The following GALNT13 variants were observed in gnomAD, a reference collection of about 807,000 sequenced individuals.
The protein encoded by GALNT13 is UDP-GalNAc:polypeptide N-acetylgalactosaminyltransferase 13.
Under a neutral mutation model 64.2 loss-of-function variants are expected in GALNT13, and 28 were observed. The ratio of observed to expected loss-of-function variants is 0.44; its 90% confidence interval spans 0.32 to 0.60. The LOEUF (loss-of-function observed/expected upper bound fraction) is 0.60, where lower values mean the gene tolerates loss of function less well. GALNT13 is among the 20% of genes least tolerant of loss of function. The pLI is 0.05. For missense variants in GALNT13, 577 were observed against 669.8 expected (o/e 0.86, Z 1.53); for synonymous variants, 214 against 224.6 (o/e 0.95, Z 0.42).
intron 8 of GALNT13, among the ~76,000 whole-genome samples, chr2:154,262,321 A>G (rs768964977): frequency 2.6e-5 from 4 of 152,148 alleles, no homozygotes; most frequent in Non-Finnish European, 5.9e-5. Flanking sequence ...CTAACAGTTG[A>G]TGGTATTATT....
At chr2:153,108,204 C>T in the GALNT13 span, among the ~76,000 whole-genome samples, 10 of 152,038 alleles carry the variant, frequency 6.6e-5, no homozygotes, top group Admixed American at 6.6e-4. Context: ...ATAGGTGGTT[C>T]ATAGTAGTGT....
At chr2:154,019,451 G>A (rs1697262201) in intron 3 of GALNT13, among the ~76,000 whole-genome samples, 3 of 151,956 alleles carry the variant, frequency 2.0e-5, no homozygotes, top group African/African-American at 7.3e-5. Context: ...TGGCCAACAT[G>A]GTGAAACCCC....
At chr2:153,679,498 C>T in the GALNT13 span, among the ~76,000 whole-genome samples, 7 of 151,854 alleles carry the variant, frequency 4.6e-5, no homozygotes, top group Admixed American at 3.3e-4. Context: ...AAAAAATGTA[C>T]ATGCATTATG....
rs16836208 is a variant in GALNT13, at chr2:154,208,843, T to G, written c.312-33187T>G. Among the ~76,000 whole-genome samples the G allele has an allele frequency of 7.7e-3, 1,169 of 152,270 alleles. 21 individuals carry two copies. The highest frequency in any genetic ancestry group is 0.026 in the African/African-American group (1,067 of 41,554). On this transcript the variant is annotated intron_variant, in intron 4 of 12. Coordinates refer to ENST00000392825, the MANE Select transcript of GALNT13 (RefSeq NM_052917.4). ...TTAATCCTGTAGAATATTTTTATAATGAGATCCATGTCTGTATTACCTTCA... is the reference window on the plus strand; with the variant it reads ...TTAATCCTGTAGAATATTTTTATAAGGAGATCCATGTCTGTATTACCTTCA...
chr2:153,590,199 T>C, the GALNT13 span, among the ~76,000 whole-genome samples: 2 of 152,110 alleles, frequency 1.3e-5, no homozygotes, highest in Non-Finnish European at 2.9e-5. Flanking sequence ...TCAGAGACTA[T>C]TATGAACATA....
chr2:153,108,052 A>G, the GALNT13 span, among the ~76,000 whole-genome samples: 3 of 151,980 alleles, frequency 2.0e-5, no homozygotes, highest in Non-Finnish European at 2.9e-5. Flanking sequence ...TAATTTTTGT[A>G]TTTTTAGTAG....
chr2:154,169,308 A>C (rs935824274), intron 4 of GALNT13, among the ~76,000 whole-genome samples: 17 of 152,192 alleles, frequency 1.1e-4, no homozygotes, highest in African/African-American at 4.1e-4. Flanking sequence ...GATACATAAA[A>C]TTAGCCATCA....
intron 1 of GALNT13, among the ~76,000 whole-genome samples, chr2:153,897,557 C>T (rs1168372210): frequency 6.6e-6 from 1 of 152,078 alleles, no homozygotes; most frequent in Non-Finnish European, 1.5e-5. Flanking sequence ...CTATTTTCCC[C>T]ATTGTAATTA....
chr2:153,377,042 A>G, the GALNT13 span, among the ~76,000 whole-genome samples: 2 of 152,304 alleles, frequency 1.3e-5, no homozygotes, highest in East Asian at 1.9e-4. Flanking sequence ...AAGTCTTTAA[A>G]GAGTGATTAA....
chr2:154,276,871 C>T (rs558827062), intron 8 of GALNT13, among the ~76,000 whole-genome samples: 14 of 152,294 alleles, frequency 9.2e-5, no homozygotes, highest in African/African-American at 3.4e-4. Flanking sequence ...CTGGGTGCTT[C>T]TTGCTGCTAC....
rs1701912338 is a variant in GALNT13 at position 154,452,574 on chromosome 2, A to C, written c.*2023A>C. On this transcript the variant is annotated 3_prime_UTR_variant, in exon 13 of 13. Coordinates refer to ENST00000392825, the MANE Select transcript of GALNT13 (RefSeq NM_052917.4). Reference sequence around the variant, plus strand: ...AATGGTCAATGGCAAATTTTTATAAATACAGCTACCCCATCAAAGCTGAAC... The same window carrying C: ...AATGGTCAATGGCAAATTTTTATAACTACAGCTACCCCATCAAAGCTGAAC... 6.6e-6 allele frequency: 1 copy of C among 152,176 alleles called. No individual in the cohort carries two copies. The highest frequency in any genetic ancestry group is 2.1e-4 in the South Asian group (1 of 4,832). The allele number at this position is 152,176 out of a possible 1,614,324, so 9.4% of individuals were successfully genotyped here. A position where few individuals can be genotyped will look rare whatever the true frequency, so the allele number is the denominator to read the frequency against.
At chr2:153,463,616 A>G in the GALNT13 span, among the ~76,000 whole-genome samples, 40,452 of 151,998 alleles carry the variant, frequency 0.27, 7,058 homozygotes, top group Non-Finnish European at 0.39. Context: ...GCTCAAAAGC[A>G]TGCTAGGATC....
the GALNT13 span, among the ~76,000 whole-genome samples, chr2:153,381,807 C>T: frequency 5.9e-5 from 9 of 152,078 alleles, no homozygotes; most frequent in African/African-American, 1.4e-4. Flanking sequence ...TTTGTAGGCA[C>T]CCACTTGAAG....
At chr2:153,415,790 T>C in the GALNT13 span, among the ~76,000 whole-genome samples, 1 of 152,210 alleles carries the variant, frequency 6.6e-6, no homozygotes, top group African/African-American at 2.4e-5. Flanking sequence ...GCTGTGAGAA[T>C]AGGGAAAACT....
chr2:153,677,591 T>C, the GALNT13 span, among the ~76,000 whole-genome samples: 12 of 152,082 alleles, frequency 7.9e-5, no homozygotes, highest in African/African-American at 2.9e-4. Context: ...AAAAAAAGCC[T>C]GAATATCCAA....
intron 4 of GALNT13, among the ~76,000 whole-genome samples, chr2:154,155,568 G>A (rs1684364474): frequency 6.6e-6 from 1 of 151,948 alleles, no homozygotes; most frequent in Non-Finnish European, 1.5e-5. Context: ...TTTGCTGAGG[G>A]AAAATGTGAT....
In GALNT13 at chr2:154,284,284, C is replaced by T. The variant is rs1309352989; in HGVS notation, c.976-17125C>T. 3.3e-5 allele frequency among the ~76,000 whole-genome samples: 5 copies of T among 152,216 alleles called. No individual in the cohort carries two copies. The East Asian group carries it at 5.8e-4, about 18-fold the overall frequency. On this transcript the variant is annotated intron_variant, in intron 8 of 12. Transcript: ENST00000392825. The stretch of plus-strand genomic sequence containing the variant: ...CATCTTCTCTTTCCCCATCTCTCCC[C>T]GATTCCCTGTAATCTACTTTCTCTT...
chr2:154,232,650 T>C (rs1216126264), intron 4 of GALNT13, among the ~76,000 whole-genome samples: 1 of 152,104 alleles, frequency 6.6e-6, no homozygotes, highest in Non-Finnish European at 1.5e-5. Flanking sequence ...GAAATCAGAT[T>C]GCATGGGTTT....
At chr2:154,313,254 A>G (rs1694144814) in intron 9 of GALNT13, among the ~76,000 whole-genome samples, 1 of 148,858 alleles carries the variant, frequency 6.7e-6, no homozygotes, top group Non-Finnish European at 1.5e-5. Flanking sequence ...ATGTATATAT[A>G]TATATACACA....
Sources: gnomAD v4.1 joint callset for allele counts (sites outside exome capture counted in the v4.1 genomes callset) on GRCh38, gnomAD v4.1.1 for gene constraint, MANE v1.5 for transcripts, NCBI Gene and HGNC (gene_info 2026-07-23, HGNC 2026-07-21) for gene names.